Variants in MAF observed in about 807,000 individuals in gnomAD.
MAF encodes the protein MAF bZIP transcription factor.
A neutral mutation model predicts 22.0 loss-of-function variants in MAF; 10 were observed. That is an observed-to-expected ratio of 0.45 (90% CI 0.28 to 0.77). The LOEUF (loss-of-function observed/expected upper bound fraction) is 0.77, where lower values mean the gene tolerates loss of function less well. Ranked by LOEUF, MAF falls within the 30% of genes least tolerant of loss-of-function variation. The pLI is 0.12. For missense variants in MAF, 544 were observed against 548.4 expected, an observed-to-expected ratio of 0.99 and a Z score of 0.08; for synonymous variants, 337 against 255.8, an observed-to-expected ratio of 1.32 and a Z score of -3.03.
At chr16:79,490,725 A>G in the MAF span, among the ~76,000 whole-genome samples, 1 of 152,208 alleles carries the variant, frequency 6.6e-6, no homozygotes, top group Admixed American at 6.5e-5. Flanking sequence ...TCAAAGTTCT[A>G]TGCATTAAGA....
the MAF span, among the ~76,000 whole-genome samples, chr16:79,438,765 C>A: frequency 1.3e-5 from 2 of 152,100 alleles, no homozygotes. Context: ...CATTGAGATG[C>A]TAATGAAAAG....
chr16:79,518,519 C>T, the MAF span, among the ~76,000 whole-genome samples: 7 of 152,204 alleles, frequency 4.6e-5, no homozygotes, highest in Non-Finnish European at 8.8e-5. Context: ...GCTCTGCAGT[C>T]AGCTGCTTTG....
chr16:79,570,652 A>G, the MAF span, among the ~76,000 whole-genome samples: 1 of 152,188 alleles, frequency 6.6e-6, no homozygotes, highest in Non-Finnish European at 1.5e-5. Flanking sequence ...GGGTCAGGAT[A>G]AGGAAACGGG....
chr16:79,484,904 C>T, the MAF span, among the ~76,000 whole-genome samples: 1 of 152,214 alleles, frequency 6.6e-6, no homozygotes, highest in Non-Finnish European at 1.5e-5. Context: ...CATGGTACAG[C>T]TGAACAGGAT....
the MAF span, among the ~76,000 whole-genome samples, chr16:79,567,099 C>T: frequency 6.6e-6 from 1 of 152,184 alleles, no homozygotes; most frequent in Non-Finnish European, 1.5e-5. Context: ...GCAGGCAGAT[C>T]ACAAGGTCAG....
the MAF span, among the ~76,000 whole-genome samples, chr16:79,420,384 G>T: frequency 3.8e-3 from 575 of 152,284 alleles, 6 homozygotes; most frequent in Middle Eastern, 0.014. Context: ...CACAGTGGCC[G>T]CATGTTGACA....
At chr16:79,314,706 G>T in the MAF span, among the ~76,000 whole-genome samples, 2 of 152,180 alleles carry the variant, frequency 1.3e-5, no homozygotes, top group African/African-American at 2.4e-5. Flanking sequence ...GTTCCAGAAG[G>T]TTCTGTTTTG....
the MAF span, chr16:79,229,412 G>C: frequency 6.6e-6 from 1 of 152,028 alleles, no homozygotes. Flanking sequence ...CTGTTAGCTA[G>C]AGCAGTTTCA....
chr16:79,521,963 C>G, the MAF span, among the ~76,000 whole-genome samples: 2 of 152,104 alleles, frequency 1.3e-5, no homozygotes, highest in African/African-American at 4.8e-5. Flanking sequence ...CCAAGGAGAT[C>G]GACTTCTCAT....
At chr16:79,328,936 G>A in the MAF span, among the ~76,000 whole-genome samples, 1 of 152,122 alleles carries the variant, frequency 6.6e-6, no homozygotes, top group Admixed American at 6.5e-5. Context: ...TGCAGAATCT[G>A]GTACATCATT....
At chr16:79,450,722 G>A in the MAF span, among the ~76,000 whole-genome samples, 3 of 152,046 alleles carry the variant, frequency 2.0e-5, no homozygotes, top group Non-Finnish European at 4.4e-5. Flanking sequence ...CTCGGATGGA[G>A]ATGGAGATGG....
At chr16:79,408,909 G>A in the MAF span, among the ~76,000 whole-genome samples, 1 of 150,894 alleles carries the variant, frequency 6.6e-6, no homozygotes, top group Non-Finnish European at 1.5e-5. Context: ...ATAGAAAAAA[G>A]AATATTTTTA....
chr16:79,525,406 G>C, the MAF span, among the ~76,000 whole-genome samples: 3 of 152,098 alleles, frequency 2.0e-5, no homozygotes, highest in Admixed American at 6.6e-5. Context: ...GAGTGGTCTT[G>C]TTTCTAGAGG....
chr16:79,366,519 C>A, the MAF span, among the ~76,000 whole-genome samples: 5 of 152,146 alleles, frequency 3.3e-5, no homozygotes, highest in Non-Finnish European at 5.9e-5. Flanking sequence ...GATTTCCTGA[C>A]CTTCTAGACA....
At chr16:79,592,472 G>A (rs943914610), downstream of MAF, among the ~76,000 whole-genome samples, 7 of 152,234 alleles carry the variant, frequency 4.6e-5, no homozygotes, top group African/African-American at 1.7e-4. Context: ...AGCGAGAAAA[G>A]CAGTGTTATG....
the MAF span, among the ~76,000 whole-genome samples, chr16:79,261,091 G>A: frequency 2.6e-5 from 4 of 152,098 alleles, no homozygotes; most frequent in African/African-American, 4.8e-5. Context: ...TGGCTGGACC[G>A]GGAGCAGGTG....
the MAF span, among the ~76,000 whole-genome samples, chr16:79,312,151 G>C: frequency 2.1e-3 from 312 of 151,692 alleles, 4 homozygotes; most frequent in Non-Finnish European, 1.6e-4. Flanking sequence ...CATTACAAAA[G>C]TAATACTCAC....
the MAF span, among the ~76,000 whole-genome samples, chr16:79,559,609 C>T: frequency 6.6e-6 from 1 of 151,750 alleles, no homozygotes; most frequent in Non-Finnish European, 1.5e-5. Context: ...CTATAATTTA[C>T]TTCAAGAGTA....
intron 1 of MAF, chr16:79,595,780 T>A (rs567492423): frequency 4.7e-6 from 5 of 1,056,992 alleles, no homozygotes; most frequent in Non-Finnish European, 5.7e-6. Context: ...TACTAGCTCA[T>A]CCAGGTAGAG....
Sources: allele counts gnomAD v4.1 joint callset (sites outside exome capture counted in the v4.1 genomes callset), GRCh38; gene constraint gnomAD v4.1.1; transcripts MANE v1.5; gene names NCBI Gene and HGNC (gene_info 2026-07-23, HGNC 2026-07-21).